ADH7: variants seen among roughly 807,000 people sequenced by gnomAD.
The protein encoded by ADH7 is all-trans-retinol dehydrogenase [NAD(+)] ADH7.
A neutral mutation model predicts 34.4 loss-of-function variants in ADH7; 41 were observed. That is an observed-to-expected ratio of 1.19 (90% confidence interval 0.93 to 1.55). The LOEUF (loss-of-function observed/expected upper bound fraction) is 1.55. ADH7 is among the 40% of genes most tolerant of loss of function. The pLI is 0.00. For missense variants in ADH7, 540 were observed against 461.2 expected (o/e 1.17, Z -1.56); for synonymous variants, 180 against 160.9 (o/e 1.12, Z -0.90).
chr4:99,417,475 C>G (rs765819709), intron 7 of ADH7, among the ~76,000 whole-genome samples: 23 of 152,138 alleles, frequency 1.5e-4, no homozygotes, highest in Non-Finnish European at 2.9e-4. Context: ...ATCAAGGAGG[C>G]CTTCCTTGAA....
rs1030764594 is a variant in ADH7, at chr4:99,412,930, C to A, written c.*218G>T. 15 of 434,212 alleles carry A rather than the reference C, an allele frequency of 3.5e-5. No homozygotes were observed. The highest frequency in any genetic ancestry group is 3.0e-4 in the South Asian group (6 of 19,746). 26.9% of individuals were successfully genotyped at this position (434,212 alleles called of 1,614,324 possible). On this transcript the variant is annotated 3_prime_UTR_variant, in exon 9 of 9. Coordinates refer to ENST00000437033, the MANE Select transcript of ADH7 (RefSeq NM_000673.7). ...AATTATAGCCTTACAAAATGTAAATCAAAAATATTAACATTGTTATTATAC... is the reference window on the plus strand; with the variant it reads ...AATTATAGCCTTACAAAATGTAAATAAAAAATATTAACATTGTTATTATAC...
intron 7 of ADH7, among the ~76,000 whole-genome samples, chr4:99,418,468 C>A (rs1162454337): frequency 2.0e-5 from 3 of 152,122 alleles, no homozygotes; most frequent in African/African-American, 7.2e-5. Flanking sequence ...CTACCTTGAG[C>A]AGAGTGGCCC....
chr4:99,424,318 C>T (rs965712005), intron 5 of ADH7, among the ~76,000 whole-genome samples: 4 of 152,200 alleles, frequency 2.6e-5, no homozygotes, highest in African/African-American at 7.2e-5. Flanking sequence ...AGCGTGATGC[C>T]TCCAGCTTTG....
At chr4:99,418,476 C>T (rs1262952983) in intron 7 of ADH7, among the ~76,000 whole-genome samples, 1 of 152,080 alleles carries the variant, frequency 6.6e-6, no homozygotes, top group African/African-American at 2.4e-5. Flanking sequence ...AGCAGAGTGG[C>T]CCTGGCTCCA....
chr4:99,427,692 T>C (rs949882275), intron 5 of ADH7, 81 bp downstream of exon 5: 23 of 1,105,040 alleles, frequency 2.1e-5, no homozygotes, highest in South Asian at 1.6e-4. Flanking sequence ...TTTTTTTTTT[T>C]CCAAAACTCT....
chr4:99,414,717 C>A (rs284784), intron 8 of ADH7, among the ~76,000 whole-genome samples: 30,878 of 152,062 alleles, frequency 0.2, 3,618 homozygotes, highest in East Asian at 0.51. Context: ...CTTTCACAAC[C>A]TTGGTCTTCA....
chr4:99,434,295 T>G (rs1341222910), intron 1 of ADH7, among the ~76,000 whole-genome samples: 4 of 152,148 alleles, frequency 2.6e-5, no homozygotes, highest in Non-Finnish European at 5.9e-5. Context: ...AAAATTAACT[T>G]CCCAAGTAAT....
intron 6 of ADH7, among the ~76,000 whole-genome samples, chr4:99,419,470 C>G (rs1484740161): frequency 6.6e-6 from 1 of 151,676 alleles, no homozygotes; most frequent in Non-Finnish European, 1.5e-5. Context: ...TTAAGTATAC[C>G]AAATCATTTA....
chr4:99,422,407 A>T (rs1280520630), intron 5 of ADH7, among the ~76,000 whole-genome samples: 1 of 152,214 alleles, frequency 6.6e-6, no homozygotes, highest in Non-Finnish European at 1.5e-5. Flanking sequence ...ACAAGAACAG[A>T]AAACCAAACA....
intron 5 of ADH7, among the ~76,000 whole-genome samples, chr4:99,426,112 G>T (rs1400010923): frequency 6.6e-6 from 1 of 152,178 alleles, no homozygotes; most frequent in African/African-American, 2.4e-5. Flanking sequence ...AAGCAGGAAA[G>T]ATCTAAAATT....
Position 99,425,315 on chromosome 4 carries a change from A to G in ADH7, c.564+2458T>C, listed in dbSNP as rs184985692. 6.7e-3 allele frequency among the ~76,000 whole-genome samples: 1,017 copies of G among 152,284 alleles called. 8 individuals carry two copies. The highest frequency in any genetic ancestry group is 0.01 in the Middle Eastern group (3 of 294). On this transcript the variant is annotated intron_variant, in intron 5 of 8. Transcript: ENST00000437033. ...TCAGTGTGCTGTATTCAGGAGACCC[A>G]TCTCACGTGCAGAGACACACATAGG...
Position 99,413,155 on chromosome 4 carries a change from G to C in ADH7, c.1118C>G (p.Thr373Arg), listed in dbSNP as rs201695257. Reference sequence around the variant, plus strand: ...CTCCTGCCACTTTGGATCTCAAAACGTCAGGACCGTTCGAATGCTGAAATG... The same window carrying C: ...CTCCTGCCACTTTGGATCTCAAAACCTCAGGACCGTTCGAATGCTGAAATG... ...NSGQSIRTVL[T>R]F Residue 373 changes from threonine to arginine, a missense_variant, in exon 9 of 9, where the codon ACG becomes AGG. Transcript: ENST00000437033. The C allele has an allele frequency of 1.4e-5, 22 of 1,613,530 alleles. No individual in the cohort carries two copies. In the African/African-American group the frequency reaches 2.0e-4, roughly 15 times the overall value.
chr4:99,414,538 C>G (rs1158511483), intron 8 of ADH7, among the ~76,000 whole-genome samples: 1 of 152,130 alleles, frequency 6.6e-6, no homozygotes, highest in Non-Finnish European at 1.5e-5. Context: ...TGACCTCTAT[C>G]CTTGCCCAAC....
intron 1 of ADH7, among the ~76,000 whole-genome samples, chr4:99,433,303 T>C (rs1289296368): frequency 2.9e-5 from 4 of 136,604 alleles, no homozygotes; most frequent in Non-Finnish European, 6.8e-5. Context: ...TGTTTATAAA[T>C]TGTTATAAAT....
chr4:99,418,985 C>T lies in ADH7; in HGVS notation c.961+1G>A, dbSNP rs1403188502. On this transcript the variant is annotated splice_donor_variant, in intron 7 of 8. Coordinates refer to ENST00000437033, the MANE Select transcript of ADH7 (RefSeq NM_000673.7). LOFTEE classifies it high-confidence loss of function. ...CCATCCAGAGGCTTTGCTTTCCTGA[C>T]CTCCAAAGACACATCCCTTCCATGT... is the stretch of plus-strand genomic sequence containing the variant. The T allele has an allele frequency of 8.1e-6, 13 of 1,613,298 alleles. No individual in the cohort carries two copies. The highest frequency in any genetic ancestry group is 1.1e-5 in the Non-Finnish European group (13 of 1,179,630).
intron 5 of ADH7, among the ~76,000 whole-genome samples, chr4:99,424,774 G>A (rs952647727): frequency 1.3e-5 from 2 of 151,920 alleles, no homozygotes; most frequent in African/African-American, 4.8e-5. Flanking sequence ...GGAGATTTTG[G>A]GCTGAGACAA....
intron 8 of ADH7, 147 bp from the exon 9 acceptor site, chr4:99,413,319 T>C: frequency 1.2e-6 from 1 of 821,170 alleles, no homozygotes; most frequent in Non-Finnish European, 1.9e-6. Flanking sequence ...CCTTAACAAT[T>C]AGTTTTCTTT....
intron 7 of ADH7, among the ~76,000 whole-genome samples, chr4:99,417,269 C>T (rs988761493): frequency 8.5e-5 from 13 of 152,080 alleles, no homozygotes; most frequent in Non-Finnish European, 1.9e-4. Flanking sequence ...GGCCCAAAGG[C>T]CCCATATAAT....
At chr4:99,433,216 CA>C (rs1721976627) in intron 1 of ADH7, among the ~76,000 whole-genome samples, 1 of 151,636 alleles carries the variant, frequency 6.6e-6, no homozygotes, top group African/African-American at 2.4e-5. Context: ...GCACTATTTA[CA>C]AAGGAAAATA....
Sources: allele counts gnomAD v4.1 joint callset (sites outside exome capture counted in the v4.1 genomes callset), GRCh38; gene constraint gnomAD v4.1.1; transcripts MANE v1.5; gene names NCBI Gene and HGNC (gene_info 2026-07-23, HGNC 2026-07-21).